HSDL2: variants seen among roughly 807,000 people sequenced by gnomAD.
The protein encoded by HSDL2 is hydroxysteroid dehydrogenase-like protein 2.
A neutral mutation model predicts 46.3 loss-of-function variants in HSDL2; 27 were observed. The observed-to-expected ratio is 0.58, with a 90% CI of 0.43 to 0.80. HSDL2 has a LOEUF of 0.80. Ranked by LOEUF, HSDL2 falls within the 30% of genes least tolerant of loss-of-function variation. The pLI, the probability that HSDL2 is intolerant of heterozygous loss-of-function variation, is 0.00. For missense variants in HSDL2, 451 were observed against 502.7 expected, an observed-to-expected ratio of 0.90 and a Z score of 0.98; for synonymous variants, 153 against 163.6, an observed-to-expected ratio of 0.94 and a Z score of 0.50.
intron 6 of HSDL2, 69 bp from the exon 7 acceptor site, chr9:112,438,362 T>A: frequency 2.0e-6 from 2 of 1,021,688 alleles, no homozygotes. Flanking sequence ...GGTGCTTGCT[T>A]GTTACTTCCA....
intron 4 of HSDL2, among the ~76,000 whole-genome samples, chr9:112,415,977 G>A (rs1831982295): frequency 6.6e-6 from 1 of 151,982 alleles, no homozygotes; most frequent in Admixed American, 6.6e-5. Context: ...ACGTGGTGGC[G>A]GGCGCCTTGT....
At chr9:112,400,955 G>C (rs1035815505) in intron 1 of HSDL2, among the ~76,000 whole-genome samples, 2 of 152,070 alleles carry the variant, frequency 1.3e-5, no homozygotes, top group African/African-American at 4.8e-5. Flanking sequence ...CAGCAATCCT[G>C]GTTCCAACTG....
intron 4 of HSDL2, among the ~76,000 whole-genome samples, chr9:112,411,513 A>G (rs759172698): frequency 5.3e-5 from 8 of 152,148 alleles, no homozygotes; most frequent in Non-Finnish European, 1.2e-4. Context: ...TGTCTCTACT[A>G]AAAATACAAA....
chr9:112,421,345 A>T (rs1366105746), intron 6 of HSDL2, among the ~76,000 whole-genome samples: 1 of 152,134 alleles, frequency 6.6e-6, no homozygotes, highest in Non-Finnish European at 1.5e-5. Flanking sequence ...AAAAACAAAC[A>T]AACAAAAATT....
chr9:112,393,223 T>C (rs73533979), intron 1 of HSDL2, among the ~76,000 whole-genome samples: 1,734 of 152,224 alleles, frequency 0.011, 38 homozygotes, highest in African/African-American at 0.039. Flanking sequence ...CCAGGCACAA[T>C]GGATAAATAA....
Position 112,471,087 on chromosome 9 carries a change from C to T in HSDL2, c.*543C>T, listed in dbSNP as rs1833564004. 6.6e-6 allele frequency: 1 copy of T among 152,134 alleles called. No homozygotes were observed. Among genetic ancestry groups the T allele is most frequent in the Admixed American group, 6.5e-5 (1 of 15,276 alleles). The allele number at this position is 152,134 out of a possible 1,614,324, so 9.4% of individuals were successfully genotyped here. ...ATTTTTCATTTTGATAACTAGCTTT[C>T]CAGGTGGACTTAGCCATAGGAAAAT... On this transcript the variant is annotated 3_prime_UTR_variant, in exon 11 of 11. Transcript: ENST00000398805.
At chr9:112,400,271 G>A (rs1831558717) in intron 1 of HSDL2, among the ~76,000 whole-genome samples, 1 of 152,144 alleles carries the variant, frequency 6.6e-6, no homozygotes, top group Non-Finnish European at 1.5e-5. Flanking sequence ...AGGTGGTGGA[G>A]CTACGGGAAC....
At chr9:112,442,122 C>A (rs191932714) in intron 8 of HSDL2, among the ~76,000 whole-genome samples, 1 of 151,278 alleles carries the variant, frequency 6.6e-6, no homozygotes, top group East Asian at 1.9e-4. Flanking sequence ...AAAAAAAATA[C>A]GTTGGGCGTG....
At chr9:112,462,600 ATG>A (rs3032131) in intron 10 of HSDL2, among the ~76,000 whole-genome samples, 16,556 of 146,526 alleles carry the variant, frequency 0.11, 1,084 homozygotes, top group East Asian at 0.17. Flanking sequence ...GAGGAGGGGG[ATG>A]TGTGTGTGTG....
At chr9:112,397,228 G>A (rs1831477265) in intron 1 of HSDL2, among the ~76,000 whole-genome samples, 1 of 152,132 alleles carries the variant, frequency 6.6e-6, no homozygotes, top group Non-Finnish European at 1.5e-5. Flanking sequence ...GTCCTTCATA[G>A]CCCGTGCCCA....
chr9:112,388,867 C>T (rs889850209), intron 1 of HSDL2, among the ~76,000 whole-genome samples: 4 of 151,098 alleles, frequency 2.6e-5, no homozygotes, highest in African/African-American at 9.9e-5. Flanking sequence ...TCTAGATTAA[C>T]GGAGACTAAA....
intron 8 of HSDL2, among the ~76,000 whole-genome samples, chr9:112,449,080 G>GTTTTTTTT (rs59586435): frequency 2.5e-5 from 3 of 118,952 alleles, no homozygotes; most frequent in African/African-American, 6.4e-5. Context: ...TCTTTCCTCT[G>GTTTTTTTT]TTTTTTTTTT....
chr9:112,390,645 G>T (rs1327461255), intron 1 of HSDL2, among the ~76,000 whole-genome samples: 1 of 151,840 alleles, frequency 6.6e-6, no homozygotes, highest in Admixed American at 6.6e-5. Context: ...TAGAGACAGG[G>T]TCTCACTATG....
At chr9:112,455,340 T>G (rs1039770494) in intron 9 of HSDL2, among the ~76,000 whole-genome samples, 2 of 152,074 alleles carry the variant, frequency 1.3e-5, no homozygotes, top group African/African-American at 4.8e-5. Context: ...CTTCGTCCTC[T>G]CTGCTTTATC....
At chr9:112,442,217 C>T (rs775580852) in intron 8 of HSDL2, among the ~76,000 whole-genome samples, 14 of 142,830 alleles carry the variant, frequency 9.8e-5, no homozygotes, top group Non-Finnish European at 1.8e-4. Flanking sequence ...TTCAGTGAGC[C>T]GTGATCGTGC....
At chr9:112,415,006 A>G (rs1484170611) in intron 4 of HSDL2, among the ~76,000 whole-genome samples, 4 of 152,200 alleles carry the variant, frequency 2.6e-5, no homozygotes, top group Non-Finnish European at 5.9e-5. Flanking sequence ...CCTAGAAGTC[A>G]TTGAATGTAA....
chr9:112,447,308 T>C (rs535342612), intron 8 of HSDL2, among the ~76,000 whole-genome samples: 16 of 152,210 alleles, frequency 1.1e-4, no homozygotes, highest in Non-Finnish European at 2.1e-4. Context: ...CTGAAGTTTT[T>C]TTTTCTCTTG....
rs149136327 is a variant in HSDL2, at chr9:112,391,437, C to G, written c.17+11257C>G. ...ACTGAGTTGTGATTCAGACACTGCA[C>G]TTCAGCCTGGGTGATACAGAAGACC... is the stretch of plus-strand genomic sequence containing the variant. On this transcript the variant is annotated intron_variant, in intron 1 of 10. Coordinates refer to ENST00000398805, the MANE Select transcript of HSDL2 (RefSeq NM_032303.5). Among the ~76,000 whole-genome samples, 898 of 152,170 alleles carry G rather than the reference C, an allele frequency of 5.9e-3. 7 individuals carry two copies. Among genetic ancestry groups the G allele is most frequent in the South Asian group, 0.033 (158 of 4,822 alleles).
intron 9 of HSDL2, 50 bp from the exon 10 acceptor site, chr9:112,459,399 A>G: frequency 6.4e-7 from 1 of 1,571,668 alleles, no homozygotes; most frequent in Non-Finnish European, 8.7e-7. Flanking sequence ...ATTAAATTTA[A>G]GAAGAACAGG....
Sources: allele counts gnomAD v4.1 joint callset (sites outside exome capture counted in the v4.1 genomes callset), GRCh38; gene constraint gnomAD v4.1.1; transcripts MANE v1.5; gene names NCBI Gene and HGNC (gene_info 2026-07-23, HGNC 2026-07-21).